PKHD1L1: variants seen among roughly 807,000 people sequenced by gnomAD.
PKHD1L1 encodes the protein fibrocystin-L.
In PKHD1L1, 434 loss-of-function variants were observed where a neutral mutation model predicts 462.9. The ratio of observed to expected loss-of-function variants is 0.94; its 90% CI spans 0.87 to 1.02. The LOEUF (loss-of-function observed/expected upper bound fraction) is 1.02, where lower values mean the gene tolerates loss of function less well. Ranked by LOEUF, PKHD1L1 falls within the 50% of genes least tolerant of loss-of-function variation. The pLI, the probability that PKHD1L1 is intolerant of heterozygous loss-of-function variation, is 0.00. For missense variants in PKHD1L1, 5,202 were observed against 5,096.1 expected (o/e 1.02, Z -0.63); for synonymous variants, 1,781 against 1,750.0 (o/e 1.02, Z -0.44).
intron 2 of PKHD1L1, among the ~76,000 whole-genome samples, chr8:109,373,289 C>T (rs1234890463): frequency 1.3e-5 from 2 of 152,154 alleles, no homozygotes; most frequent in Non-Finnish European, 2.9e-5. Flanking sequence ...AGTTTATTTG[C>T]ATAGAGGTGT....
chr8:109,503,785 C>T (rs775849832), intron 67 of PKHD1L1, among the ~76,000 whole-genome samples: 3 of 152,198 alleles, frequency 2.0e-5, no homozygotes, highest in Non-Finnish European at 4.4e-5. Flanking sequence ...GGGCTTTGTT[C>T]AGCTGGATGG....
chr8:109,517,469 A>C (rs1270342470), intron 72 of PKHD1L1, among the ~76,000 whole-genome samples: 1 of 152,114 alleles, frequency 6.6e-6, no homozygotes. Context: ...TGGGCTCAAT[A>C]AGTGTTAGTG....
chr8:109,481,452 G>A lies in PKHD1L1; in HGVS notation c.9347G>A (p.Gly3116Asp), dbSNP rs1818269281. The change falls in exon 56 of 78, where the codon GGC (glycine) becomes GAC (aspartate). Residue 3116 changes from glycine to aspartate, a missense_variant. Physicochemically the swap from Gly to Asp is moderately conservative, Grantham distance 94. Transcript: ENST00000378402. Reference sequence around the variant, plus strand: ...TTTCAGGGAGGTAGATTAATCGGTGGCTGGGAAGATAACCCTTTTAAAGGA... The same window carrying A: ...TTTCAGGGAGGTAGATTAATCGGTGACTGGGAAGATAACCCTTTTAAAGGA... ...ISLQGGRLIG[G>D]WEDNPFKGDL... is the part of the protein sequence containing the mutation. The A allele has an allele frequency of 1.3e-6, 2 of 1,598,288 alleles. No individual in the cohort carries two copies. The highest frequency in any genetic ancestry group is 4.5e-5 in the East Asian group (2 of 44,356).
At position 109,400,245 on chromosome 8, in the gene PKHD1L1, A is replaced by G. The variant is rs745482537; in HGVS notation, c.1182A>G (p.Gly394=). The change falls in exon 13 of 78, where the codon GGA becomes GGG. Residue 394 remains glycine, a synonymous_variant. Transcript: ENST00000378402. The part of the protein sequence containing the change: ...EQDTFVARFS[G]FLVAPDSDVY... Reference sequence around the variant, plus strand: ...ACACATTTGTTGCACGCTTTAGTGGATTTTTGGTGGCTCCAGATTCTGATG... The same window carrying G: ...ACACATTTGTTGCACGCTTTAGTGGGTTTTTGGTGGCTCCAGATTCTGATG... The G allele has an allele frequency of 2.5e-6, 4 of 1,613,544 alleles. No homozygotes were observed. Among genetic ancestry groups the G allele is most frequent in the South Asian group, 2.2e-5 (2 of 91,084 alleles).
At chr8:109,387,176 G>T (rs1460568034) in intron 6 of PKHD1L1, among the ~76,000 whole-genome samples, 1 of 152,128 alleles carries the variant, frequency 6.6e-6, no homozygotes, top group Admixed American at 6.6e-5. Context: ...CAGGAGACCT[G>T]CTTCTCACAA....
chr8:109,491,790 C>A, intron 61 of PKHD1L1, 83 bp from the exon 62 acceptor site: 1 of 1,241,364 alleles, frequency 8.1e-7, no homozygotes, highest in Non-Finnish European at 1.1e-6. Flanking sequence ...ATGGAAAAAT[C>A]AAAAGACATT....
At chr8:109,529,037 G>A (rs1219281092) in intron 77 of PKHD1L1, among the ~76,000 whole-genome samples, 1 of 152,134 alleles carries the variant, frequency 6.6e-6, no homozygotes, top group African/African-American at 2.4e-5. Context: ...TTGAGGTGGG[G>A]TAACAATTTA....
At chr8:109,454,365 G>C (rs756684554) in intron 44 of PKHD1L1, 119 bp downstream of exon 44, 31 of 719,412 alleles carry the variant, frequency 4.3e-5, no homozygotes, top group Non-Finnish European at 5.6e-5. Context: ...TCTTTGTTTA[G>C]GTCTCTGTTA....
intron 50 of PKHD1L1, among the ~76,000 whole-genome samples, chr8:109,472,261 AT>A (rs1291200494): frequency 1.1e-4 from 16 of 152,172 alleles, no homozygotes; most frequent in South Asian, 2.1e-4. Flanking sequence ...CATAAAAAAA[AT>A]AAAGTATATA....
At chr8:109,434,348 A>T (rs1178119466) in intron 28 of PKHD1L1, among the ~76,000 whole-genome samples, 2 of 151,674 alleles carry the variant, frequency 1.3e-5, no homozygotes, top group African/African-American at 4.8e-5. Context: ...TCATACATAC[A>T]TCTCTGCTGA....
Position 109,438,376 on chromosome 8 carries a change from C to A in PKHD1L1, c.3680C>A (p.Thr1227Lys). The A allele has an allele frequency of 6.5e-7, 1 of 1,542,910 alleles. No homozygotes were observed. Among genetic ancestry groups the A allele is most frequent in the Non-Finnish European group, 8.8e-7 (1 of 1,140,190 alleles). The stretch of plus-strand genomic sequence containing the variant: ...GTTACTACCAATGGATTTCAAGCCA[C>A]AGCAAGGGATGCTTTTAGTTATAAT... ...ISVTTNGFQA[T>K]ARDAFSYNCL... The change falls in exon 31 of 78, where the codon ACA becomes AAA. Residue 1227 changes from threonine to lysine, a missense_variant. Around this residue, in one of 3 missense-constraint regions of PKHD1L1, gnomAD observed 4,497 missense variants for 4,336.8 expected, o/e 1.04. Coordinates refer to ENST00000378402, the MANE Select transcript of PKHD1L1 (RefSeq NM_177531.6).
chr8:109,450,883 A>C, intron 40 of PKHD1L1, 92 bp from the exon 41 acceptor site: 1 of 1,248,186 alleles, frequency 8.0e-7, no homozygotes, highest in Non-Finnish European at 1.1e-6. Flanking sequence ...GATTGTGTGA[A>C]AAGGAAGATG....
intron 50 of PKHD1L1, among the ~76,000 whole-genome samples, chr8:109,467,601 C>T (rs1817516630): frequency 6.6e-6 from 1 of 152,066 alleles, no homozygotes; most frequent in South Asian, 2.1e-4. Flanking sequence ...ACCTAACCTA[C>T]CCTGACTGGC....
Position 109,384,087 on chromosome 8 carries a change from C to A in PKHD1L1, c.435C>A (p.Thr145=), listed in dbSNP as rs752762720. 1 of 1,610,070 alleles carries A rather than the reference C, an allele frequency of 6.2e-7. No homozygotes were observed. Among genetic ancestry groups the A allele is most frequent in the Non-Finnish European group, 8.5e-7 (1 of 1,176,854 alleles). Residue 145 remains threonine (T), a synonymous_variant, in exon 5 of 78, where the codon ACC becomes ACA. Transcript: ENST00000378402. ...TTTTACAGGCAAAAAGTTTTAGAAC[C>A]CCAACAATAAGAAGCATCACACCTT... is the stretch of plus-strand genomic sequence containing the variant. ...ECTFNAKSFR[T]PTIRSITPLS... is the part of the protein sequence containing the mutation.
chr8:109,405,722 G>T (rs2130565566), intron 16 of PKHD1L1, among the ~76,000 whole-genome samples: 1 of 152,180 alleles, frequency 6.6e-6, no homozygotes, highest in African/African-American at 2.4e-5. Flanking sequence ...CATTAGGTTA[G>T]GAAAAATAGC....
rs1363728045 is a variant in PKHD1L1 at position 109,464,850 on chromosome 8, T to C, written c.8018T>C (p.Phe2673Ser). 1 of 1,613,742 alleles carries C rather than the reference T, an allele frequency of 6.2e-7. No individual in the cohort carries two copies. The highest frequency in any genetic ancestry group is 8.5e-7 in the Non-Finnish European group (1 of 1,179,774). ...VNGGALQFHNFVMVNNYEAGI... is the reference protein window; with the variant it reads ...VNGGALQFHNSVMVNNYEAGI... ...GGAGGTGCCCTTCAGTTCCATAACTTTGTGATGGTGAATAACTATGAGGCT... is the reference window on the plus strand; with the variant it reads ...GGAGGTGCCCTTCAGTTCCATAACTCTGTGATGGTGAATAACTATGAGGCT... Residue 2673 changes from phenylalanine to serine, a missense_variant, in exon 49 of 78, where the codon TTT becomes TCT. Physicochemically the swap from Phe to Ser is radical, Grantham distance 155 (BLOSUM62 -2). Around this residue, in one of 3 missense-constraint regions of PKHD1L1, gnomAD observed 4,497 missense variants for 4,336.8 expected, o/e 1.04. Coordinates refer to ENST00000378402, the MANE Select transcript of PKHD1L1 (RefSeq NM_177531.6).
intron 67 of PKHD1L1, among the ~76,000 whole-genome samples, chr8:109,501,486 C>A (rs1038400916): frequency 3.9e-5 from 6 of 152,166 alleles, no homozygotes; most frequent in Non-Finnish European, 7.3e-5. Flanking sequence ...GAATTGTTAC[C>A]TTTTCCAGGG....
At chr8:109,367,113 T>C (rs1201714245) in intron 2 of PKHD1L1, among the ~76,000 whole-genome samples, 4 of 152,224 alleles carry the variant, frequency 2.6e-5, no homozygotes, top group African/African-American at 7.2e-5. Flanking sequence ...AATTAATAAA[T>C]GCTATTTTAA....
At chr8:109,524,443 T>A (rs922576420) in intron 76 of PKHD1L1, among the ~76,000 whole-genome samples, 5 of 151,276 alleles carry the variant, frequency 3.3e-5, no homozygotes, top group African/African-American at 9.7e-5. Flanking sequence ...CAAATGGAAT[T>A]TTTTTTTTAT....
Sources: gnomAD v4.1 joint callset for allele counts (sites outside exome capture counted in the v4.1 genomes callset) on GRCh38, gnomAD v4.1.1 for gene constraint, gnomAD v4.1.1 regional missense constraint, MANE v1.5 for transcripts, NCBI Gene and HGNC (gene_info 2026-07-23, HGNC 2026-07-21) for gene names.